The following KCNU1 variants were observed in gnomAD, a reference collection of about 807,000 sequenced individuals.
The protein encoded by KCNU1 is potassium channel subfamily U member 1.
A neutral mutation model predicts 126.8 loss-of-function variants in KCNU1; 93 were observed. The observed-to-expected ratio is 0.73, with a 90% CI of 0.62 to 0.87. The LOEUF (loss-of-function observed/expected upper bound fraction) is 0.87, where lower values mean the gene tolerates loss of function less well. Among genes scored for constraint, KCNU1 ranks in the 40% least tolerant of loss-of-function variants. KCNU1 has a pLI of 0.00. For missense variants in KCNU1, 1,330 were observed against 1,367.1 expected, an observed-to-expected ratio of 0.97 and a Z score of 0.43; for synonymous variants, 523 against 494.2, an observed-to-expected ratio of 1.06 and a Z score of -0.77.
intron 19 of KCNU1, among the ~76,000 whole-genome samples, chr8:36,899,098 C>A (rs1221911328): frequency 1.3e-5 from 2 of 152,016 alleles, no homozygotes; most frequent in South Asian, 4.1e-4. Context: ...GATGCCTATA[C>A]AAATTCATAG....
intron 1 of KCNU1, 112 bp from the exon 2 acceptor site, chr8:36,787,194 G>T: frequency 1.1e-6 from 1 of 908,128 alleles, no homozygotes; most frequent in Non-Finnish European, 1.6e-6. Flanking sequence ...TTTGGACAAG[G>T]TGGAGTGATT....
At position 36,831,074 on chromosome 8, in the gene KCNU1, C is replaced by T. The variant is rs527307739; in HGVS notation, c.1107-2480C>T. 3.3e-5 allele frequency among the ~76,000 whole-genome samples: 5 copies of T among 152,172 alleles called. No homozygotes were observed. The South Asian group carries it at 8.3e-4, about 25-fold the overall frequency. ...ATTTCCAATTTCATCCATGTCCCTA[C>T]AAGGGACATGAACTCATCATTTTTT... On this transcript the variant is annotated intron_variant, in intron 10 of 26. Transcript: ENST00000399881.
At chr8:36,845,708 A>G in intron 17 of KCNU1, 39 bp downstream of exon 17, 1 of 1,487,098 alleles carries the variant, frequency 6.7e-7, no homozygotes, top group South Asian at 1.1e-5. Flanking sequence ...CACTAAAGCA[A>G]CTACAGCTTA....
At chr8:36,792,523 A>G (rs899468086) in intron 2 of KCNU1, among the ~76,000 whole-genome samples, 1 of 152,206 alleles carries the variant, frequency 6.6e-6, no homozygotes, top group African/African-American at 2.4e-5. Context: ...CAACTTTCCT[A>G]GGTTCTACTT....
intron 18 of KCNU1, 21 bp downstream of exon 18, chr8:36,845,920 G>T (rs1461475767): frequency 3.5e-6 from 5 of 1,441,496 alleles, no homozygotes; most frequent in South Asian, 1.2e-5. Flanking sequence ...TTTATTTCTG[G>T]CTGTCCTTAG....
chr8:36,832,235 G>A lies in KCNU1; in HGVS notation c.1107-1319G>A, dbSNP rs531351167. 4.4e-4 allele frequency among the ~76,000 whole-genome samples: 67 copies of A among 152,274 alleles called. 1 individual carries two copies. Among genetic ancestry groups the A allele is most frequent in the African/African-American group, 6.0e-4 (25 of 41,558 alleles). On this transcript the variant is annotated intron_variant, in intron 10 of 26. Transcript: ENST00000399881. The stretch of plus-strand genomic sequence containing the variant: ...GTTCTTTTGGCTCATGATTGACTTC[G>A]TGAGTGGGCTCTTTTTTGGTTCCAT...
intron 18 of KCNU1, among the ~76,000 whole-genome samples, chr8:36,858,481 C>A (rs1805613365): frequency 6.6e-6 from 1 of 152,132 alleles, no homozygotes. Context: ...AGTATAATCT[C>A]ACTATACATG....
chr8:36,812,378 C>CAAAAA (rs765551359), intron 7 of KCNU1, among the ~76,000 whole-genome samples: 1 of 83,606 alleles, frequency 1.2e-5, no homozygotes. Flanking sequence ...AGACTCCTCT[C>CAAAAA]AAAAAAAAAA....
At chr8:36,871,342 G>T (rs1423727313) in intron 19 of KCNU1, among the ~76,000 whole-genome samples, 1 of 151,564 alleles carries the variant, frequency 6.6e-6, no homozygotes, top group Non-Finnish European at 1.5e-5. Context: ...ATTCATAGGT[G>T]AAAATCCCAT....
chr8:36,844,976 C>T (rs1006560712), intron 16 of KCNU1, among the ~76,000 whole-genome samples: 5 of 152,140 alleles, frequency 3.3e-5, no homozygotes, highest in African/African-American at 1.2e-4. Flanking sequence ...TTCTCAAACA[C>T]ATAAACCACA....
In KCNU1 at chr8:36,934,162, T is replaced by C. The variant is rs115998323; in HGVS notation, c.3044+1130T>C. Among the ~76,000 whole-genome samples the C allele has an allele frequency of 4.5e-3, 692 of 152,160 alleles. 9 individuals carry two copies. Among genetic ancestry groups the C allele is most frequent in the African/African-American group, 0.016 (652 of 41,530 alleles). On this transcript the variant is annotated intron_variant, in intron 26 of 26. Coordinates refer to ENST00000399881, the MANE Select transcript of KCNU1 (RefSeq NM_001031836.3). ...TTTAGAGGTGGAACAATGTTAGGAA[T>C]TAAAACAGCTAGGACACGGCCAGGA...
chr8:36,867,648 C>G (rs1037885486), intron 19 of KCNU1, among the ~76,000 whole-genome samples: 4 of 152,198 alleles, frequency 2.6e-5, no homozygotes, highest in Non-Finnish European at 2.9e-5. Context: ...GGTTGGCGAG[C>G]CATAGATAAT....
chr8:36,863,069 C>T (rs1805786245), intron 18 of KCNU1, among the ~76,000 whole-genome samples: 1 of 152,178 alleles, frequency 6.6e-6, no homozygotes, highest in African/African-American at 2.4e-5. Context: ...TCTCTTAGCA[C>T]ACCTGGCTGA....
chr8:36,915,262 G>A (rs960155905), intron 22 of KCNU1, among the ~76,000 whole-genome samples: 7 of 152,190 alleles, frequency 4.6e-5, no homozygotes, highest in Non-Finnish European at 7.3e-5. Context: ...GTCAAACCTT[G>A]TATATTGTAA....
intron 19 of KCNU1, among the ~76,000 whole-genome samples, chr8:36,877,709 CCTT>C (rs1230991636): frequency 2.6e-5 from 4 of 152,112 alleles, no homozygotes; most frequent in Admixed American, 2.0e-4. Flanking sequence ...TACACTTGTC[CCTT>C]CTTCTCTATT....
intron 21 of KCNU1, 150 bp downstream of exon 21, chr8:36,909,685 C>T: frequency 1.7e-6 from 1 of 589,596 alleles, no homozygotes. Flanking sequence ...CACTTAATCT[C>T]AAAACCACCC....
chr8:36,924,510 TAGAG>T (rs1437440158), intron 24 of KCNU1, among the ~76,000 whole-genome samples: 2 of 152,122 alleles, frequency 1.3e-5, no homozygotes, highest in Non-Finnish European at 2.9e-5. Context: ...ATCAAGCTCT[TAGAG>T]AGAGAATACC....
In KCNU1 at chr8:36,922,547, A is replaced by C. The variant is rs1459625851; in HGVS notation, c.2654A>C (p.Gln885Pro). ...CTTGGTGGACTGGAAGGGTCCCTCC[A>C]AGAAACAAATCTGCATCTCAGCACT... ...EQLGGLEGSLQETNLHLSTAF... is the reference protein window; with the variant it reads ...EQLGGLEGSLPETNLHLSTAF... Residue 885 changes from glutamine (Q) to proline (P), a missense_variant, in exon 24 of 27, where the codon CAA becomes CCA. Transcript: ENST00000399881. The C allele has an allele frequency of 6.2e-7, 1 of 1,613,696 alleles. No homozygotes were observed. The highest frequency in any genetic ancestry group is 1.1e-5 in the South Asian group (1 of 91,066).
chr8:36,913,210 A>T (rs1247051020), intron 22 of KCNU1, among the ~76,000 whole-genome samples: 1 of 152,102 alleles, frequency 6.6e-6, no homozygotes, highest in Non-Finnish European at 1.5e-5. Context: ...CAACAAAAAA[A>T]TATTGATTTT....
Sources: gnomAD v4.1 joint callset for allele counts (sites outside exome capture counted in the v4.1 genomes callset) on GRCh38, gnomAD v4.1.1 for gene constraint, MANE v1.5 for transcripts, NCBI Gene and HGNC (gene_info 2026-07-23, HGNC 2026-07-21) for gene names.